Variants in IGBP1 observed in about 807,000 individuals in gnomAD.
The protein encoded by IGBP1 is immunoglobulin binding protein 1.
In IGBP1, 2 loss-of-function variants were observed where a neutral mutation model predicts 25.9. The ratio of observed to expected loss-of-function variants is 0.08; its 90% CI spans 0.03 to 0.24. The LOEUF (loss-of-function observed/expected upper bound fraction) is 0.24, where lower values mean the gene tolerates loss of function less well. IGBP1 is among the 10% of genes least tolerant of loss of function. The probability of loss-of-function intolerance (pLI) is 1.00; values close to 1 mark genes in which losing one functional copy is unlikely to be tolerated. For synonymous variants in IGBP1, 96 were observed against 93.4 expected (o/e 1.03, Z -0.16); for missense variants, 187 against 260.4 (o/e 0.72, Z 1.94).
chrX:70,149,927 A>C (rs2085192182), intron 5 of IGBP1, among the ~76,000 whole-genome samples: 1 of 110,921 alleles, frequency 9.0e-6, no homozygotes, highest in African/African-American at 3.3e-5. Context: ...CGGTGTCTTC[A>C]CTGCTTTGTG....
intron 6 of IGBP1, among the ~76,000 whole-genome samples, chrX:70,162,448 C>T (rs1012886361): frequency 1.8e-5 from 2 of 111,433 alleles, no homozygotes; most frequent in African/African-American, 6.5e-5. Flanking sequence ...GATCCTGGAA[C>T]GGAAAAGGGA....
chrX:70,157,714 A>G (rs2085249826), intron 6 of IGBP1, among the ~76,000 whole-genome samples: 1 of 112,006 alleles, frequency 8.9e-6, no homozygotes, highest in Non-Finnish European at 1.9e-5. Flanking sequence ...AACAGGTGAT[A>G]CTTGTGTGTG....
In IGBP1 at chrX:70,134,106, C is replaced by T; in HGVS notation, c.159C>T (p.Ala53=). 1 of 1,211,134 alleles carries T rather than the reference C, an allele frequency of 8.3e-7. No individual in the cohort carries two copies. The highest frequency in any genetic ancestry group is 1.1e-6 in the Non-Finnish European group (1 of 894,804). The change falls in exon 2 of 7, where the codon GCC becomes GCT. Residue 53 remains alanine (A), a synonymous_variant. Transcript: ENST00000356413. ...GCTTGGACCTCCTTGAGAAGGCTGC[C>T]GAAATGTTATCGCAGCTCGACTTGT... ...FKGLDLLEKA[A]EMLSQLDLFS...
chrX:70,163,231 ATT>A (rs200198806), intron 6 of IGBP1, among the ~76,000 whole-genome samples: 1 of 108,724 alleles, frequency 9.2e-6, no homozygotes, highest in African/African-American at 3.4e-5. Flanking sequence ...TGTCATAAAT[ATT>A]TTTTTTGTAG....
At chrX:70,150,445 A>G in intron 6 of IGBP1, 123 bp downstream of exon 6, 1 of 522,930 alleles carries the variant, frequency 1.9e-6, no homozygotes, top group Non-Finnish European at 3.5e-6. Context: ...TCTGAGTAAT[A>G]GAAAGATTCT....
chrX:70,146,815 A>T lies in IGBP1; in HGVS notation c.665A>T (p.Asp222Val). 1 of 1,195,938 alleles carries T rather than the reference A, an allele frequency of 8.4e-7. No individual in the cohort carries two copies. The highest frequency in any genetic ancestry group is 1.1e-6 in the Non-Finnish European group (1 of 881,901). Residue 222 changes from aspartate (D) to valine (V), a missense_variant, in exon 4 of 7, where the codon GAC becomes GTC. Transcript: ENST00000356413. Reference sequence around the variant, plus strand: ...GAAATAAAGATCCTGAGAGAAAGAGACTCTTCAAGAGAGGTAAGCCTGGCC... The same window carrying T: ...GAAATAAAGATCCTGAGAGAAAGAGTCTCTTCAAGAGAGGTAAGCCTGGCC... ...DQEIKILRER[D>V]SSREASTSNS...
chrX:70,143,930 G>A (rs2085148753), intron 3 of IGBP1, among the ~76,000 whole-genome samples: 1 of 112,563 alleles, frequency 8.9e-6, no homozygotes, highest in Admixed American at 9.4e-5. Context: ...GGTGGCTCAC[G>A]CCTGGAACGC....
At chrX:70,150,991 G>A (rs964473820) in intron 6 of IGBP1, among the ~76,000 whole-genome samples, 3 of 105,404 alleles carry the variant, frequency 2.8e-5, no homozygotes, top group Admixed American at 1.0e-4. Flanking sequence ...ACGAAGTCTC[G>A]CTCTTGCCCT....
intron 3 of IGBP1, among the ~76,000 whole-genome samples, chrX:70,144,447 A>G (rs959239073): frequency 1.8e-5 from 2 of 110,764 alleles, no homozygotes; most frequent in African/African-American, 6.6e-5. Flanking sequence ...GTGAGATTGG[A>G]GTTAAACATT....
chrX:70,139,541 G>C lies in IGBP1; in HGVS notation c.482+4725G>C, dbSNP rs1425319423. Among the ~76,000 whole-genome samples the C allele has an allele frequency of 2.7e-5, 3 of 110,691 alleles. No homozygotes were observed. In the Admixed American group the frequency reaches 2.9e-4, roughly 11 times the overall value. On this transcript the variant is annotated intron_variant, in intron 3 of 6. Transcript: ENST00000356413. ...TACTTGCAACACCCTTCCTTCATGGGTGTTTCACAGACATGTCATACCTTG... is the reference window on the plus strand; with the variant it reads ...TACTTGCAACACCCTTCCTTCATGGCTGTTTCACAGACATGTCATACCTTG...
At chrX:70,152,004 G>A (rs2085206260) in intron 6 of IGBP1, among the ~76,000 whole-genome samples, 1 of 111,813 alleles carries the variant, frequency 8.9e-6, no homozygotes, top group Non-Finnish European at 1.9e-5. Flanking sequence ...AAAAAGAGAA[G>A]AGTGGTAATT....
At chrX:70,141,887 A>G (rs897917343) in intron 3 of IGBP1, among the ~76,000 whole-genome samples, 1 of 109,916 alleles carries the variant, frequency 9.1e-6, no homozygotes, top group Non-Finnish European at 1.9e-5. Flanking sequence ...TGAAATAGAC[A>G]TTCTTATCCC....
chrX:70,139,038 A>G (rs1301393049), intron 3 of IGBP1, among the ~76,000 whole-genome samples: 8 of 112,077 alleles, frequency 7.1e-5, no homozygotes, highest in East Asian at 5.6e-4. Flanking sequence ...AGAAAATCCA[A>G]TTGGGTGGCC....
Position 70,136,727 on chromosome X carries a change from T to TATTATTATTATA in IGBP1, c.482+1913_482+1914insTATTATTATAAT, listed in dbSNP as rs751626880. On this transcript the variant is annotated intron_variant, in intron 3 of 6. Transcript: ENST00000356413. ...TTATTATTATTATTATTATTATTAT[T>TATTATTATTATA]ATACAGAGTTTCACCCTTGTCACCC... is the stretch of plus-strand genomic sequence containing the variant. Among the ~76,000 whole-genome samples the TATTATTATTATA allele has an allele frequency of 5.6e-5, 6 of 107,678 alleles. No homozygotes were observed. The Middle Eastern group carries it at 0.014, about 258-fold the overall frequency. 93.5% of individuals were successfully genotyped at this position (107,678 alleles called of 115,157 possible).
chrX:70,144,820 C>T (rs2085155964), intron 3 of IGBP1, among the ~76,000 whole-genome samples: 1 of 107,118 alleles, frequency 9.3e-6, no homozygotes, highest in African/African-American at 3.4e-5. Flanking sequence ...CCACCACATC[C>T]AGCTAATTTT....
Position 70,148,741 on chromosome X carries a change from A to G in IGBP1, c.679-20A>G, listed in dbSNP as rs375761096. On this transcript the variant is annotated intron_variant, in intron 4 of 6. Transcript: ENST00000356413. ...GGGTAAAATGGCAAATTCACCTCTC[A>G]TAATTAATTTCCTTCTTAGGCATCA... is the stretch of plus-strand genomic sequence containing the variant. The G allele has an allele frequency of 1.3e-5, 15 of 1,127,789 alleles. No individual in the cohort carries two copies. The highest frequency in any genetic ancestry group is 1.8e-5 in the African/African-American group (1 of 55,809). 92.9% of individuals were successfully genotyped at this position (1,127,789 alleles called of 1,213,427 possible). A position where few individuals can be genotyped will look rare whatever the true frequency, so the allele number is the denominator to read the frequency against.
chrX:70,149,739 GT>G (rs1214059475), intron 5 of IGBP1: 3 of 126,491 alleles, frequency 2.4e-5, no homozygotes, highest in Non-Finnish European at 4.8e-5. Flanking sequence ...ATACTTTAAA[GT>G]TTTTTTTTAT....
chrX:70,153,585 C>T (rs886736325), intron 6 of IGBP1, among the ~76,000 whole-genome samples: 6 of 112,259 alleles, frequency 5.3e-5, no homozygotes, highest in South Asian at 3.7e-4. Flanking sequence ...TTATGTGAAC[C>T]GATACATGTC....
chrX:70,137,053 T>C (rs1188326902), intron 3 of IGBP1, among the ~76,000 whole-genome samples: 1 of 111,309 alleles, frequency 9.0e-6, no homozygotes, highest in Non-Finnish European at 1.9e-5. Flanking sequence ...TTTTAGCTAG[T>C]ACACTGTACC....
Sources: gnomAD v4.1 joint callset for allele counts (sites outside exome capture counted in the v4.1 genomes callset) on GRCh38, gnomAD v4.1.1 for gene constraint, MANE v1.5 for transcripts, NCBI Gene and HGNC (gene_info 2026-07-23, HGNC 2026-07-21) for gene names.